RELCH: variants seen among roughly 807,000 people sequenced by gnomAD.
The protein encoded by RELCH is RAB11-binding protein RELCH.
In RELCH, 41 loss-of-function variants were observed where a neutral mutation model predicts 150.3. The ratio of observed to expected loss-of-function variants is 0.27; its 90% confidence interval spans 0.21 to 0.35. The LOEUF (loss-of-function observed/expected upper bound fraction) is 0.35, where lower values mean the gene tolerates loss of function less well. Ranked by LOEUF, RELCH falls within the 10% of genes least tolerant of loss-of-function variation. RELCH has a pLI of 1.00. For missense variants in RELCH, 1,092 were observed against 1,467.8 expected, an observed-to-expected ratio of 0.74 and a Z score of 4.18; for synonymous variants, 478 against 531.8, an observed-to-expected ratio of 0.90 and a Z score of 1.39.
In RELCH at chr18:62,305,840, G is replaced by T. The variant is rs1269113049; in HGVS notation, c.*306G>T. ...GTGAAGAAGTTTTTTTTAATTTTTG[G>T]ATGGGATATTCGCAAATATCTGTAT... On this transcript the variant is annotated 3_prime_UTR_variant, in exon 29 of 29. Transcript: ENST00000644646. The surrounding 1 kb of genome is among the most constrained non-coding windows in gnomAD (Gnocchi z 4.0). The T allele has an allele frequency of 6.4e-6, 1 of 157,244 alleles. No individual in the cohort carries two copies. Among genetic ancestry groups the T allele is most frequent in the Non-Finnish European group, 1.4e-5 (1 of 71,720 alleles). 9.7% of individuals were successfully genotyped at this position (157,244 alleles called of 1,614,324 possible). A position where few individuals can be genotyped will look rare whatever the true frequency, so the allele number is the denominator to read the frequency against.
At chr18:62,235,987 A>G (rs2041858811) in intron 10 of RELCH, among the ~76,000 whole-genome samples, 1 of 151,946 alleles carries the variant, frequency 6.6e-6, no homozygotes, top group Non-Finnish European at 1.5e-5. Context: ...TTCCAATACA[A>G]TTTGGATGGT....
chr18:62,249,446 A>G (rs143264777), intron 11 of RELCH, among the ~76,000 whole-genome samples: 10 of 152,306 alleles, frequency 6.6e-5, no homozygotes, highest in Admixed American at 6.5e-4. Context: ...TTAAATCACT[A>G]TATTAGTACC....
chr18:62,229,518 G>GTCTGTCTGTC (rs1555725659), intron 8 of RELCH, among the ~76,000 whole-genome samples: 4 of 147,748 alleles, frequency 2.7e-5, no homozygotes, highest in Middle Eastern at 3.5e-3. Context: ...GTGTGTGTGT[G>GTCTGTCTGTC]TGTCTGTCTG....
intron 11 of RELCH, chr18:62,245,834 A>G (rs889151387): frequency 3.3e-5 from 5 of 152,164 alleles, no homozygotes; most frequent in Non-Finnish European, 7.3e-5. Flanking sequence ...ACAAGCATCT[A>G]CTAGTAATTG....
rs1599908494 is a variant in RELCH, at chr18:62,224,749, A to G, written c.859-2540A>G. 2.0e-5 allele frequency among the ~76,000 whole-genome samples: 3 copies of G among 152,240 alleles called. No individual in the cohort carries two copies. In the South Asian group the frequency reaches 6.2e-4, roughly 32 times the overall value. Reference sequence around the variant, plus strand: ...ATTGAGATAAATTAAAGAGATTTAAATGAAGAGATATTGTGCTCATGGATC... The same window carrying G: ...ATTGAGATAAATTAAAGAGATTTAAGTGAAGAGATATTGTGCTCATGGATC... On this transcript the variant is annotated intron_variant, in intron 5 of 28. Transcript: ENST00000644646.
intron 22 of RELCH, among the ~76,000 whole-genome samples, chr18:62,275,832 G>A (rs2044179644): frequency 6.6e-6 from 1 of 152,042 alleles, no homozygotes; most frequent in Non-Finnish European, 1.5e-5. Context: ...CTTTCAAGTT[G>A]TAAAATATAG....
chr18:62,285,381 G>A (rs1430643963), intron 25 of RELCH: 2 of 152,014 alleles, frequency 1.3e-5, no homozygotes, highest in Non-Finnish European at 1.5e-5. Context: ...TGTTCAATCT[G>A]CCCTAAAGAA....
chr18:62,299,531 C>T (rs2939417), intron 28 of RELCH, among the ~76,000 whole-genome samples: 42,746 of 151,966 alleles, frequency 0.28, 7,189 homozygotes, highest in East Asian at 0.59. Context: ...CTCACGCATA[C>T]GCTCCTCCCT....
rs1191644685 is a variant in RELCH at position 62,187,461 on chromosome 18, C to T, written c.-45C>T. On this transcript the variant is annotated 5_prime_UTR_variant, in exon 1 of 29. Transcript: ENST00000644646. ...GGCCTAGAGGATTCGGGCTGCGGCC[C>T]GTCGGAACCAGTCAGGGAGGCGCCC... 13 of 1,486,966 alleles carry T rather than the reference C, an allele frequency of 8.7e-6. No individual in the cohort carries two copies. Among genetic ancestry groups the T allele is most frequent in the Non-Finnish European group, 1.2e-5 (13 of 1,118,854 alleles). The allele number at this position is 1,486,966 out of a possible 1,614,324, so 92.1% of individuals were successfully genotyped here.
At chr18:62,291,112 A>G (rs966384281) in intron 26 of RELCH, among the ~76,000 whole-genome samples, 4 of 152,190 alleles carry the variant, frequency 2.6e-5, no homozygotes, top group Admixed American at 2.0e-4. Context: ...ATCGTTTACA[A>G]TTGTCTTATA....
chr18:62,277,746 T>C, intron 22 of RELCH: 1 of 855,064 alleles, frequency 1.2e-6, no homozygotes, highest in Non-Finnish European at 1.4e-6. Flanking sequence ...TTATTCCCAT[T>C]GTTAAATAAG....
At chr18:62,217,008 T>TGGGG (rs1294065843) in intron 2 of RELCH, among the ~76,000 whole-genome samples, 1 of 151,944 alleles carries the variant, frequency 6.6e-6, no homozygotes, top group Admixed American at 6.6e-5. Context: ...AGAAGATAAA[T>TGGGG]AGCATTTTGA....
At chr18:62,270,266 A>G (rs1007974856) in intron 20 of RELCH, among the ~76,000 whole-genome samples, 7 of 152,200 alleles carry the variant, frequency 4.6e-5, no homozygotes, top group Non-Finnish European at 1.0e-4. Context: ...TTTCTACTGC[A>G]GTCCCTTGCT....
intron 11 of RELCH, among the ~76,000 whole-genome samples, chr18:62,247,762 G>C (rs1268297966): frequency 6.6e-6 from 1 of 152,052 alleles, no homozygotes; most frequent in Non-Finnish European, 1.5e-5. Context: ...GCCCAGGCTG[G>C]TCTTGAACTC....
chr18:62,235,496 T>C (rs918804740), intron 10 of RELCH: 2 of 152,098 alleles, frequency 1.3e-5, no homozygotes, highest in South Asian at 2.1e-4. Flanking sequence ...AAACAGGTCA[T>C]TGAAATTTTT....
rs182117869 is a variant in RELCH, at chr18:62,280,599, G to A, written c.3051-47G>A. 4.3e-4 allele frequency: 609 copies of A among 1,428,860 alleles called. 2 individuals carry two copies. Among genetic ancestry groups the A allele is most frequent in the Middle Eastern group, 2.1e-3 (12 of 5,622 alleles). 88.5% of individuals were successfully genotyped at this position (1,428,860 alleles called of 1,614,324 possible). On this transcript the variant is annotated intron_variant, in intron 23 of 28. Coordinates refer to ENST00000644646, the MANE Select transcript of RELCH (RefSeq NM_001346231.2). ...TTTAATATACATTTTAATAATACTC[G>A]TTGTTCATCTCAAATCTTCAGTTTC...
At chr18:62,220,749 G>C (rs898678972) in intron 2 of RELCH, 3 of 376,392 alleles carry the variant, frequency 8.0e-6, no homozygotes, top group African/African-American at 2.2e-5. Flanking sequence ...ATCTAAATGA[G>C]AGTATGCCAT....
chr18:62,279,586 T>C (rs571918073), intron 22 of RELCH, among the ~76,000 whole-genome samples, 188 bp from the exon 23 acceptor site: 3 of 152,244 alleles, frequency 2.0e-5, no homozygotes, highest in South Asian at 2.1e-4. Context: ...ACTTAAGCTT[T>C]ATTTTCCTCC....
intron 1 of RELCH, among the ~76,000 whole-genome samples, chr18:62,198,335 A>G (rs2039185668): frequency 1.3e-5 from 2 of 152,172 alleles, no homozygotes. Context: ...GGTTTGCTGC[A>G]TGGTTACTTA....
Sources: allele counts gnomAD v4.1 joint callset (sites outside exome capture counted in the v4.1 genomes callset), GRCh38; gene constraint gnomAD v4.1.1; non-coding constraint Gnocchi (gnomAD v3.1); transcripts MANE v1.5; gene names NCBI Gene and HGNC (gene_info 2026-07-23, HGNC 2026-07-21).